The following SLIT2 variants were observed in gnomAD, a reference collection of about 807,000 sequenced individuals.
The protein encoded by SLIT2 is slit guidance ligand 2, also known as slit homolog 2 protein.
A neutral mutation model predicts 185.7 loss-of-function variants in SLIT2; 41 were observed. That is an observed-to-expected ratio of 0.22 (90% confidence interval 0.17 to 0.29). SLIT2 has a LOEUF of 0.29. Ranked by LOEUF, SLIT2 falls within the 10% of genes least tolerant of loss-of-function variation. The pLI is 1.00. For missense variants in SLIT2, 1,571 were observed against 1,909.0 expected (o/e 0.82, Z 3.30); for synonymous variants, 693 against 680.2 (o/e 1.02, Z -0.29).
At chr4:20,308,836 A>G (rs966746062) in intron 4 of SLIT2, among the ~76,000 whole-genome samples, 1 of 152,212 alleles carries the variant, frequency 6.6e-6, no homozygotes, top group East Asian at 1.9e-4. Context: ...ACAAACAAAC[A>G]TATATTTACC....
At chr4:20,260,306 A>G (rs551232671) in intron 3 of SLIT2, among the ~76,000 whole-genome samples, 122 of 151,852 alleles carry the variant, frequency 8.0e-4, no homozygotes, top group Non-Finnish European at 1.5e-3. Flanking sequence ...GCTTTTTATT[A>G]TGTATTGTGT....
chr4:20,529,284 G>T (rs1577863913), intron 16 of SLIT2, among the ~76,000 whole-genome samples, 185 bp downstream of exon 16: 1 of 152,000 alleles, frequency 6.6e-6, no homozygotes, highest in East Asian at 1.9e-4. Flanking sequence ...CATCTTTCTA[G>T]CCAACCATAC....
intron 9 of SLIT2, among the ~76,000 whole-genome samples, chr4:20,500,981 T>TTC (rs1208074455): frequency 2.0e-5 from 3 of 152,304 alleles, no homozygotes; most frequent in African/African-American, 7.2e-5. Flanking sequence ...TTATCTCTGA[T>TTC]TCTGTGCTAA....
At chr4:20,600,328 T>A (rs917065015) in intron 33 of SLIT2, among the ~76,000 whole-genome samples, 1 of 142,318 alleles carries the variant, frequency 7.0e-6, no homozygotes, top group Non-Finnish European at 1.6e-5. Flanking sequence ...CATAACGAGT[T>A]TGTTTGAGTT....
At chr4:20,321,826 T>C (rs1719115541) in intron 4 of SLIT2, among the ~76,000 whole-genome samples, 1 of 152,214 alleles carries the variant, frequency 6.6e-6, no homozygotes, top group Non-Finnish European at 1.5e-5. Flanking sequence ...ATCTGATTCC[T>C]AAACTCATGT....
intron 33 of SLIT2, among the ~76,000 whole-genome samples, chr4:20,605,475 G>A (rs1728721405): frequency 6.6e-6 from 1 of 152,130 alleles, no homozygotes; most frequent in Admixed American, 6.5e-5. Flanking sequence ...CCAGTGGAAA[G>A]GCCCAAAGTT....
At chr4:20,357,418 T>C (rs1722412073) in intron 4 of SLIT2, among the ~76,000 whole-genome samples, 1 of 152,186 alleles carries the variant, frequency 6.6e-6, no homozygotes, top group Non-Finnish European at 1.5e-5. Context: ...TCTCTTTTCA[T>C]ATTATAACTT....
chr4:20,261,398 C>T (rs550147238), intron 3 of SLIT2, among the ~76,000 whole-genome samples: 18 of 151,944 alleles, frequency 1.2e-4, no homozygotes, highest in African/African-American at 4.3e-4. Flanking sequence ...GCAATAAATT[C>T]TCCATGCAAA....
At chr4:20,442,060 G>A (rs1176603189) in intron 4 of SLIT2, among the ~76,000 whole-genome samples, 1 of 152,056 alleles carries the variant, frequency 6.6e-6, no homozygotes, top group South Asian at 2.1e-4. Context: ...TATAGTTGGG[G>A]GTAGGAGAGG....
chr4:20,448,951 T>G (rs1231952643), intron 4 of SLIT2, among the ~76,000 whole-genome samples: 1 of 152,316 alleles, frequency 6.6e-6, no homozygotes, highest in Admixed American at 6.5e-5. Context: ...GTATTATTTT[T>G]AAGAGTTACT....
At chr4:20,584,392 C>G (rs1726871615) in intron 29 of SLIT2, among the ~76,000 whole-genome samples, 1 of 152,236 alleles carries the variant, frequency 6.6e-6, no homozygotes, top group Non-Finnish European at 1.5e-5. Flanking sequence ...GATGATCCAG[C>G]TTTTTACTGT....
chr4:20,419,008 A>C (rs1370918314), intron 4 of SLIT2, among the ~76,000 whole-genome samples: 3 of 152,206 alleles, frequency 2.0e-5, no homozygotes, highest in Admixed American at 2.0e-4. Flanking sequence ...CCTTAAATGC[A>C]TACCATTTTC....
chr4:20,510,480 T>G lies in SLIT2; in HGVS notation c.915-15T>G, dbSNP rs750216805. On this transcript the variant is annotated splice_polypyrimidine_tract_variant and intron_variant, in intron 9 of 36. Transcript: ENST00000504154. ...TCACATTTCCATTTAAAAGTTGAAT[T>G]TTTTTTCATTGCAGACGTTTGGAAC... 1.3e-6 allele frequency: 2 copies of G among 1,588,388 alleles called. No individual in the cohort carries two copies. Among genetic ancestry groups the G allele is most frequent in the South Asian group, 2.2e-5 (2 of 90,314 alleles).
In SLIT2 at chr4:20,400,367, G is replaced by A. The variant is rs915411631; in HGVS notation, c.396-67385G>A. 1.4e-4 allele frequency among the ~76,000 whole-genome samples: 21 copies of A among 151,628 alleles called. 1 individual carries two copies. The highest frequency in any genetic ancestry group is 5.1e-4 in the African/African-American group (21 of 41,342). On this transcript the variant is annotated intron_variant, in intron 4 of 36. Coordinates refer to ENST00000504154, the MANE Select transcript of SLIT2 (RefSeq NM_004787.4). ...CCATAGAAATGAAGAAAAGAAGATA[G>A]ATTTTAGAATCCCTAGAAGATGTAA... is the stretch of plus-strand genomic sequence containing the variant.
intron 4 of SLIT2, among the ~76,000 whole-genome samples, chr4:20,458,308 T>A (rs1173195554): frequency 2.0e-5 from 3 of 152,110 alleles, no homozygotes; most frequent in African/African-American, 7.2e-5. Flanking sequence ...GGCTTCCTAG[T>A]TTTTATTTTC....
chr4:20,470,251 T>C (rs556527254), intron 5 of SLIT2, among the ~76,000 whole-genome samples: 2 of 152,198 alleles, frequency 1.3e-5, no homozygotes, highest in Admixed American at 1.3e-4. Context: ...AAGTGTAACA[T>C]GAAATGATTA....
rs191430123 is a variant in SLIT2, at chr4:20,302,791, C to T, written c.395+33910C>T. 1.3e-3 allele frequency among the ~76,000 whole-genome samples: 191 copies of T among 152,232 alleles called. 4 individuals are homozygous for T. The highest frequency in any genetic ancestry group is 0.012 in the Admixed American group (189 of 15,280). On this transcript the variant is annotated intron_variant, in intron 4 of 36. Transcript: ENST00000504154. ...GGCCTTGGTGCAATTCTAAAGCAAA[C>T]GTTTATCATCCAATCAAATCTATTA...
At chr4:20,379,947 GGAA>G (rs1724356891) in intron 4 of SLIT2, among the ~76,000 whole-genome samples, 1 of 152,102 alleles carries the variant, frequency 6.6e-6, no homozygotes, top group Admixed American at 6.6e-5. Context: ...ATAGCATAGA[GGAA>G]GAAACTACCT....
At chr4:20,524,851 T>C (rs192175444) in intron 14 of SLIT2, among the ~76,000 whole-genome samples, 6 of 152,348 alleles carry the variant, frequency 3.9e-5, no homozygotes, top group African/African-American at 1.4e-4. Flanking sequence ...TTTCCTTTTT[T>C]ATGATAGAAT....
Sources: gnomAD v4.1 joint callset for allele counts (sites outside exome capture counted in the v4.1 genomes callset) on GRCh38, gnomAD v4.1.1 for gene constraint, MANE v1.5 for transcripts, NCBI Gene and HGNC (gene_info 2026-07-23, HGNC 2026-07-21) for gene names.